The following SELP variants were observed in gnomAD, a reference collection of about 807,000 sequenced individuals.
SELP encodes P-selectin.
Under a neutral mutation model 104.1 loss-of-function variants are expected in SELP, and 92 were observed. The observed-to-expected ratio is 0.88, with a 90% CI of 0.75 to 1.05. SELP has a LOEUF of 1.05. Among genes scored for constraint, SELP ranks in the 50% least tolerant of loss-of-function variants. SELP has a pLI of 0.00. For synonymous variants in SELP, 397 were observed against 364.5 expected, an observed-to-expected ratio of 1.09 and a Z score of -1.01; for missense variants, 1,022 against 1,017.3, an observed-to-expected ratio of 1.00 and a Z score of -0.06.
At chr1:169,622,286 C>T (rs1287800873) in intron 1 of SELP, among the ~76,000 whole-genome samples, 3 of 152,108 alleles carry the variant, frequency 2.0e-5, no homozygotes, top group Non-Finnish European at 2.9e-5. Context: ...AGGGAGCACC[C>T]GATTAAGTTG....
chr1:169,612,995 T>A lies in SELP; in HGVS notation c.709A>T (p.Asn237Tyr), dbSNP rs1162366496. 1 of 1,613,842 alleles carries A rather than the reference T, an allele frequency of 6.2e-7. No homozygotes were observed. The highest frequency in any genetic ancestry group is 8.5e-7 in the Non-Finnish European group (1 of 1,179,790). Residue 237 changes from asparagine (N) to tyrosine (Y), a missense_variant, in exon 5 of 17, where the codon AAT becomes TAT. Asn to Tyr is a moderately radical substitution (Grantham distance 143). Transcript: ENST00000263686. ...SFHCTDGYQV[N>Y]GPSKLECLAS... is the part of the protein sequence containing the mutation. Reference sequence around the variant, plus strand: ...AAGCATTCCAGCTTGCTGGGCCCATTTACTTGGTACCCGTCAGTGCAGTGG... The same window carrying A: ...AAGCATTCCAGCTTGCTGGGCCCATATACTTGGTACCCGTCAGTGCAGTGG...
intron 3 of SELP, 27 bp from the exon 4 acceptor site, chr1:169,613,720 C>A: frequency 6.3e-7 from 1 of 1,582,192 alleles, no homozygotes; most frequent in South Asian, 1.1e-5. Flanking sequence ...AGGTCAGAGT[C>A]ATGGACATTC....
chr1:169,608,069 T>A (rs3917748), intron 8 of SELP, among the ~76,000 whole-genome samples: 2,426 of 152,196 alleles, frequency 0.016, 61 homozygotes, highest in African/African-American at 0.05. Flanking sequence ...AGATAACATA[T>A]ACAATACATT....
Position 169,593,588 on chromosome 1 carries a change from G to A in SELP, c.2407+17C>T. 1 of 1,607,120 alleles carries A rather than the reference G, an allele frequency of 6.2e-7. No homozygotes were observed. On this transcript the variant is annotated intron_variant, in intron 14 of 16. Transcript: ENST00000263686. The stretch of plus-strand genomic sequence containing the variant: ...TTATGTAACCAAGATGCAAAGAGAA[G>A]ACTCTTTCCTATTTACCTTTTTGTC...
At chr1:169,628,781 T>A (rs982717851) in intron 1 of SELP, among the ~76,000 whole-genome samples, 1 of 152,228 alleles carries the variant, frequency 6.6e-6, no homozygotes, top group African/African-American at 2.4e-5. Flanking sequence ...CTCATTTAAG[T>A]TAACCAATTC....
rs1662575609 is a variant in SELP at position 169,612,237 on chromosome 1, G to A, written c.941C>T (p.Ala314Val). ...VQCTASGVWT[A>V]PAPVCKAVQC... ...CTCACCTTTACACACTGGGGCTGGGGCTGTCCATACCCCCGAGGCTGTGCA... is the reference window on the plus strand; with the variant it reads ...CTCACCTTTACACACTGGGGCTGGGACTGTCCATACCCCCGAGGCTGTGCA... The change falls in exon 6 of 17, where the codon GCC becomes GTC. Residue 314 changes from alanine (A) to valine (V), a missense_variant. Coordinates refer to ENST00000263686, the MANE Select transcript of SELP (RefSeq NM_003005.4). 2 of 1,613,950 alleles carry A rather than the reference G, an allele frequency of 1.2e-6. No individual in the cohort carries two copies. Among genetic ancestry groups the A allele is most frequent in the South Asian group, 1.1e-5 (1 of 91,062 alleles).
chr1:169,611,599 C>A lies in SELP; in HGVS notation c.1040G>T (p.Gly347Val). Residue 347 changes from glycine (G) to valine (V), a missense_variant, in exon 7 of 17, where the codon GGC becomes GTC. Gly to Val is a moderately radical substitution (Grantham distance 109). Coordinates refer to ENST00000263686, the MANE Select transcript of SELP (RefSeq NM_003005.4). The part of the protein sequence containing the change: ...CVHPLTAFAY[G>V]SSCKFECQPG... ...CTGGCACTCAAATTTACAGCTGGAG[C>A]CATAGGCAAAAGCAGTGAGCGGATG... 6.2e-7 allele frequency: 1 copy of A among 1,614,132 alleles called. No homozygotes were observed. The highest frequency in any genetic ancestry group is 8.5e-7 in the Non-Finnish European group (1 of 1,180,020).
intron 1 of SELP, among the ~76,000 whole-genome samples, chr1:169,620,285 T>A (rs751106666): frequency 6.6e-6 from 1 of 151,844 alleles, no homozygotes; most frequent in Non-Finnish European, 1.5e-5. Context: ...ATGTTGCACA[T>A]GAAAATACTG....
chr1:169,601,029 C>T (rs922340923), intron 10 of SELP, among the ~76,000 whole-genome samples: 5 of 152,140 alleles, frequency 3.3e-5, no homozygotes, highest in African/African-American at 1.2e-4. Context: ...TTAGAGATTA[C>T]AGATTTAGCA....
chr1:169,628,095 C>T (rs1318229522), intron 1 of SELP, among the ~76,000 whole-genome samples: 2 of 152,144 alleles, frequency 1.3e-5, no homozygotes, highest in Admixed American at 6.5e-5. Flanking sequence ...GGTGTTTCAC[C>T]ATGTTGGCCA....
chr1:169,606,672 C>G (rs942167625), intron 9 of SELP, among the ~76,000 whole-genome samples: 4 of 152,124 alleles, frequency 2.6e-5, no homozygotes, highest in Admixed American at 1.3e-4. Flanking sequence ...GTGGCAGGAG[C>G]CTTCAGGTCT....
chr1:169,621,093 TTGTG>T (rs113157169), intron 1 of SELP, among the ~76,000 whole-genome samples: 1,182 of 90,394 alleles, frequency 0.013, 28 homozygotes, highest in Middle Eastern at 0.041. Flanking sequence ...TGGTGTGGAG[TTGTG>T]TGTGTGTGTG....
At chr1:169,609,436 C>G (rs1662377406) in intron 8 of SELP, 68 bp downstream of exon 8, 1 of 1,439,308 alleles carries the variant, frequency 6.9e-7, no homozygotes, top group South Asian at 1.3e-5. Flanking sequence ...CATGCCAATG[C>G]TCAGTGCAGA....
At chr1:169,602,959 C>A (rs962720615) in intron 10 of SELP, 67 bp downstream of exon 10, 6 of 1,357,118 alleles carry the variant, frequency 4.4e-6, no homozygotes, top group Middle Eastern at 1.9e-4. Context: ...TTATATAAAT[C>A]CCTGATGATT....
rs147856747 is a variant in SELP, at chr1:169,611,501, T to G, written c.1138A>C (p.Thr380Pro). ...DSGHWSAPLP[T>P]CEAISCEPLE... The stretch of plus-strand genomic sequence containing the variant: ...TAATGAAAAATCCTACCCTCACAGG[T>G]TGGCAAGGGTGCAGACCAGTGTCCA... The change falls in exon 7 of 17, where the codon ACC becomes CCC. Residue 380 changes from threonine to proline, a missense_variant. Thr to Pro is a conservative substitution (Grantham distance 38, BLOSUM62 -1). Transcript: ENST00000263686. 1.2e-6 allele frequency: 2 copies of G among 1,613,734 alleles called. No homozygotes were observed. Among genetic ancestry groups the G allele is most frequent in the African/African-American group, 2.7e-5 (2 of 74,934 alleles).
rs200760480 is a variant in SELP, at chr1:169,613,060, T to C, written c.644A>G (p.His215Arg). ...LPQHVLMNCS[H>R]PLGNFSFNSQ... ...GTTAAAAGAGAAGTTTCCCAGAGGGTGGCTGCAGTTCATGAGCACGTGTTG... is the reference window on the plus strand; with the variant it reads ...GTTAAAAGAGAAGTTTCCCAGAGGGCGGCTGCAGTTCATGAGCACGTGTTG... The change falls in exon 5 of 17, where the codon CAC becomes CGC. Residue 215 changes from histidine to arginine, a missense_variant. By Grantham distance (29) the His-to-Arg change is conservative (BLOSUM62 0). Transcript: ENST00000263686. The C allele has an allele frequency of 1.5e-5, 25 of 1,613,410 alleles. No individual in the cohort carries two copies. The highest frequency in any genetic ancestry group is 5.0e-5 in the Admixed American group (3 of 59,956).
intron 10 of SELP, among the ~76,000 whole-genome samples, chr1:169,599,379 A>G (rs930003033): frequency 1.3e-5 from 2 of 151,706 alleles, no homozygotes; most frequent in African/African-American, 4.9e-5. Flanking sequence ...AAACTCCTGA[A>G]TAATTACAAA....
At chr1:169,627,595 T>A (rs1269340541) in intron 1 of SELP, among the ~76,000 whole-genome samples, 1 of 152,202 alleles carries the variant, frequency 6.6e-6, no homozygotes, top group Non-Finnish European at 1.5e-5. Flanking sequence ...ATAATGAATG[T>A]CATTTATAAA....
In SELP at chr1:169,617,034, AAC is replaced by A. The variant is rs1410114922; in HGVS notation, c.473_474del (p.Cys158LeufsTer37). 1.2e-6 allele frequency: 2 copies of A among 1,608,182 alleles called. No individual in the cohort carries two copies. The highest frequency in any genetic ancestry group is 1.7e-6 in the Non-Finnish European group (2 of 1,177,070). Reference sequence around the variant, plus strand: ...AAAGTAGAGAAGGCCCTACCTGTGTAACACAATGCGTGCTTTTTCTTCAAGCA... The same window carrying A: ...AAAGTAGAGAAGGCCCTACCTGTGTAACAATGCGTGCTTTTTCTTCAAGCA... ...EHCLKKKHAL[C>X]YTASCQDMSC... On this transcript the variant is annotated frameshift_variant, in exon 3 of 17. Transcript: ENST00000263686. LOFTEE classifies it high-confidence loss of function.
Sources: gnomAD v4.1 joint callset for allele counts (sites outside exome capture counted in the v4.1 genomes callset) on GRCh38, gnomAD v4.1.1 for gene constraint, MANE v1.5 for transcripts, NCBI Gene and HGNC (gene_info 2026-07-23, HGNC 2026-07-21) for gene names.